The following FHL5 variants were observed in gnomAD, a reference collection of about 807,000 sequenced individuals.
FHL5 encodes four and a half LIM domains protein 5.
Under a neutral mutation model 32.0 loss-of-function variants are expected in FHL5, and 33 were observed. That is an observed-to-expected ratio of 1.03 (90% confidence interval 0.78 to 1.38). FHL5 has a LOEUF of 1.38. Ranked by LOEUF, FHL5 falls within the 40% of genes most tolerant of loss-of-function variation. The pLI is 0.00. For synonymous variants in FHL5, 114 were observed against 113.6 expected (o/e 1.00, Z -0.02); for missense variants, 336 against 343.9 (o/e 0.98, Z 0.18).
At chr6:96,567,690 A>G (rs1770386953) in intron 1 of FHL5, among the ~76,000 whole-genome samples, 1 of 151,688 alleles carries the variant, frequency 6.6e-6, no homozygotes, top group Non-Finnish European at 1.5e-5. Context: ...TTTTTATTGT[A>G]GAGATCTTTC....
intron 5 of FHL5, among the ~76,000 whole-genome samples, chr6:96,611,082 G>T (rs1272039516): frequency 6.6e-6 from 1 of 152,150 alleles, no homozygotes; most frequent in Non-Finnish European, 1.5e-5. Flanking sequence ...AGATCTGCTT[G>T]CAGCCTCATT....
In FHL5 at chr6:96,603,583, A is replaced by G; in HGVS notation, c.-12-19A>G. 6.3e-7 allele frequency: 1 copy of G among 1,589,652 alleles called. No homozygotes were observed. Among genetic ancestry groups the G allele is most frequent in the Non-Finnish European group, 8.6e-7 (1 of 1,164,952 alleles). On this transcript the variant is annotated intron_variant, in intron 1 of 5. Transcript: ENST00000450218. ...CAAAATTCTGCTTTTATATACATTA[A>G]TCACTTTGTCATTCATAGGATCAAA...
At chr6:96,612,239 C>G (rs957477692) in intron 5 of FHL5, among the ~76,000 whole-genome samples, 1 of 152,170 alleles carries the variant, frequency 6.6e-6, no homozygotes, top group South Asian at 2.1e-4. Context: ...GAGATCTCCA[C>G]TGATTTTAGT....
chr6:96,570,768 A>G (rs2127958911), intron 1 of FHL5, among the ~76,000 whole-genome samples: 1 of 152,200 alleles, frequency 6.6e-6, no homozygotes, highest in South Asian at 2.1e-4. Flanking sequence ...CTGCTTGATC[A>G]AGTCTGCTGC....
At chr6:96,590,681 G>T (rs750440657) in intron 1 of FHL5, among the ~76,000 whole-genome samples, 1 of 151,872 alleles carries the variant, frequency 6.6e-6, no homozygotes, top group East Asian at 1.9e-4. Flanking sequence ...TTTATAATCC[G>T]AGTAAAAGCT....
intron 1 of FHL5, among the ~76,000 whole-genome samples, chr6:96,591,442 C>T (rs1770914765): frequency 6.6e-6 from 1 of 152,084 alleles, no homozygotes; most frequent in Non-Finnish European, 1.5e-5. Flanking sequence ...CCTGTGATCT[C>T]CAATGTGTAC....
chr6:96,596,926 T>C lies in FHL5; in HGVS notation c.-12-6676T>C, dbSNP rs535124917. 7.2e-5 allele frequency among the ~76,000 whole-genome samples: 11 copies of C among 152,272 alleles called. No individual in the cohort carries two copies. In the South Asian group the frequency reaches 2.3e-3, roughly 32 times the overall value. ...AGGAACCGTATATGAAATTTCAGAATGACTCTCTCTCTCTCTCCCAGATGC... is the reference window on the plus strand; with the variant it reads ...AGGAACCGTATATGAAATTTCAGAACGACTCTCTCTCTCTCTCCCAGATGC... On this transcript the variant is annotated intron_variant, in intron 1 of 5. Transcript: ENST00000450218.
intron 5 of FHL5, among the ~76,000 whole-genome samples, chr6:96,614,020 A>C (rs1189170678): frequency 6.6e-6 from 1 of 152,246 alleles, no homozygotes; most frequent in Non-Finnish European, 1.5e-5. Context: ...TGGCTTTCTT[A>C]CTGCAAACAA....
intron 1 of FHL5, among the ~76,000 whole-genome samples, chr6:96,596,969 T>C (rs1462558564): frequency 2.0e-5 from 3 of 152,078 alleles, no homozygotes; most frequent in African/African-American, 7.2e-5. Flanking sequence ...TTTTAAGTCC[T>C]ACTGCATCTT....
intron 1 of FHL5, among the ~76,000 whole-genome samples, chr6:96,573,205 C>T (rs1475862528): frequency 1.3e-5 from 2 of 152,084 alleles, no homozygotes; most frequent in African/African-American, 2.4e-5. Context: ...TTCTTTATAT[C>T]ATGAAACTCT....
In FHL5 at chr6:96,584,463, G is replaced by T. The variant is rs9486640; in HGVS notation, c.-12-19139G>T. On this transcript the variant is annotated intron_variant, in intron 1 of 5. Transcript: ENST00000450218. Reference sequence around the variant, plus strand: ...TGTGTGTGTGTGTGTGTGTGTGTTTGTGTGTGTGTGTGTGTGTGTGTGTGT... The same window carrying T: ...TGTGTGTGTGTGTGTGTGTGTGTTTTTGTGTGTGTGTGTGTGTGTGTGTGT... 4.5e-3 allele frequency among the ~76,000 whole-genome samples: 545 copies of T among 121,926 alleles called. 4 individuals carry two copies. The highest frequency in any genetic ancestry group is 0.013 in the African/African-American group (384 of 30,390). 80.0% of individuals were successfully genotyped at this position (121,926 alleles called of 152,430 possible).
At chr6:96,575,483 A>G (rs544267666) in intron 1 of FHL5, among the ~76,000 whole-genome samples, 6 of 152,326 alleles carry the variant, frequency 3.9e-5, no homozygotes, top group Middle Eastern at 3.4e-3. Context: ...TGGATCTTAC[A>G]GTGCTCCCTC....
At position 96,617,086 on chromosome 6, in the gene FHL5, G is replaced by GT. The variant is rs1191295080; in HGVS notation, c.*1317dup. On this transcript the variant is annotated 3_prime_UTR_variant, in exon 6 of 6. Transcript: ENST00000450218. ...GCCTTAGTGAGAAGTCCATCACCAGGTTTATCTTTATACCAGACTTTAACT... is the reference window on the plus strand; with the variant it reads ...GCCTTAGTGAGAAGTCCATCACCAGGTTTTATCTTTATACCAGACTTTAACT... Among the ~76,000 whole-genome samples the GT allele has an allele frequency of 1.3e-5, 2 of 152,126 alleles. No homozygotes were observed. Among genetic ancestry groups the GT allele is most frequent in the African/African-American group, 4.8e-5 (2 of 41,410 alleles).
At chr6:96,594,568 G>T (rs757916165) in intron 1 of FHL5, among the ~76,000 whole-genome samples, 1 of 151,792 alleles carries the variant, frequency 6.6e-6, no homozygotes, top group Non-Finnish European at 1.5e-5. Flanking sequence ...AATTTGTTGG[G>T]ATTTGAACTC....
chr6:96,589,017 G>C (rs954245877), intron 1 of FHL5, among the ~76,000 whole-genome samples: 2 of 151,990 alleles, frequency 1.3e-5, no homozygotes, highest in African/African-American at 4.8e-5. Context: ...ATTGATGATG[G>C]AATTGTTTTG....
At position 96,606,017 on chromosome 6, in the gene FHL5, T is replaced by G; in HGVS notation, c.450T>G (p.Tyr150Ter). The G allele has an allele frequency of 6.2e-7, 1 of 1,614,136 alleles. No individual in the cohort carries two copies. Residue 150 changes from tyrosine (Y) to a stop codon, truncating the protein, a stop_gained, in exon 4 of 6, where the codon TAT becomes TAG. Transcript: ENST00000450218. LOFTEE classifies it high-confidence loss of function. ...KPLISKESGN[Y>*]CVPCFEKEFA... ...TGATCTCCAAAGAGAGTGGCAATTA[T>G]TGTGTGCCATGTTTTGAGAAGGAGT... is the stretch of plus-strand genomic sequence containing the variant.
At chr6:96,614,989 C>T (rs1029333868) in intron 5 of FHL5, among the ~76,000 whole-genome samples, 1 of 151,142 alleles carries the variant, frequency 6.6e-6, no homozygotes. Flanking sequence ...AAGGCCATCA[C>T]GTTAGGATGG....
intron 1 of FHL5, among the ~76,000 whole-genome samples, chr6:96,580,715 C>T (rs980261064): frequency 1.3e-5 from 2 of 152,148 alleles, no homozygotes; most frequent in Non-Finnish European, 2.9e-5. Context: ...GGCATAATCT[C>T]AGAAAAGAAT....
At chr6:96,592,989 C>T (rs1235087560) in intron 1 of FHL5, among the ~76,000 whole-genome samples, 1 of 151,952 alleles carries the variant, frequency 6.6e-6, no homozygotes, top group East Asian at 1.9e-4. Flanking sequence ...GTATATTTTT[C>T]TCTTTTCTCA....
Sources: allele counts gnomAD v4.1 joint callset (sites outside exome capture counted in the v4.1 genomes callset), GRCh38; gene constraint gnomAD v4.1.1; transcripts MANE v1.5; gene names NCBI Gene and HGNC (gene_info 2026-07-23, HGNC 2026-07-21).